The following ADA2 variants were observed in gnomAD, a reference collection of about 807,000 sequenced individuals.
The protein encoded by ADA2 is adenosine deaminase 2.
In ADA2, 29 loss-of-function variants were observed where a neutral mutation model predicts 44.2. That is an observed-to-expected ratio of 0.66 (90% CI 0.49 to 0.89). The LOEUF is 0.89. Ranked by LOEUF, ADA2 falls within the 40% of genes least tolerant of loss-of-function variation. The pLI, the probability that ADA2 is intolerant of heterozygous loss-of-function variation, is 0.00. For missense variants in ADA2, 637 were observed against 644.8 expected (o/e 0.99, Z 0.13); for synonymous variants, 215 against 234.9 (o/e 0.92, Z 0.77).
chr22:17,205,089 C>G (rs2062339196), intron 3 of ADA2, among the ~76,000 whole-genome samples: 1 of 152,026 alleles, frequency 6.6e-6, no homozygotes. Flanking sequence ...ATGATCTCAG[C>G]TCTCTGCAAC....
rs1303496687 is a variant in ADA2, at chr22:17,192,743, C to T, written c.754-933G>A. On this transcript the variant is annotated intron_variant, in intron 4 of 9. Coordinates refer to ENST00000399837, the MANE Select transcript of ADA2 (RefSeq NM_001282225.2). ...ACTGGGGAGGCTGAGGCAGGAGAAT[C>T]GCTTGAACCCGGGAGGCAGAGGTTG... is the stretch of plus-strand genomic sequence containing the variant. Among the ~76,000 whole-genome samples, 4 of 151,800 alleles carry T rather than the reference C, an allele frequency of 2.6e-5. 1 individual carries two copies. The highest frequency in any genetic ancestry group is 1.3e-4 in the Admixed American group (2 of 15,234).
chr22:17,221,443 G>T (rs1348916180), upstream of ADA2, among the ~76,000 whole-genome samples: 1 of 145,468 alleles, frequency 6.9e-6, no homozygotes, highest in Non-Finnish European at 1.5e-5. Flanking sequence ...CCCCAGCCCC[G>T]ACCCCCCCGA....
chr22:17,217,123 A>C (rs540418170), intron 1 of ADA2, among the ~76,000 whole-genome samples: 2 of 152,270 alleles, frequency 1.3e-5, no homozygotes, highest in South Asian at 4.1e-4. Context: ...AGCAATATTA[A>C]AAATGAAGTT....
intron 3 of ADA2, among the ~76,000 whole-genome samples, chr22:17,206,822 A>T (rs1016122080): frequency 1.1e-4 from 16 of 152,090 alleles, no homozygotes; most frequent in Non-Finnish European, 1.9e-4. Context: ...ACACCTGGCT[A>T]ATTTTTTGTA....
At chr22:17,183,550 T>G (rs1457017661) in intron 7 of ADA2, among the ~76,000 whole-genome samples, 1 of 136,036 alleles carries the variant, frequency 7.4e-6, no homozygotes, top group Non-Finnish European at 1.5e-5. Flanking sequence ...AACCTCCGCC[T>G]CCCGGGTTCA....
chr22:17,188,897 C>CG (rs2062078396), intron 6 of ADA2, among the ~76,000 whole-genome samples: 1 of 102,874 alleles, frequency 9.7e-6, no homozygotes, highest in East Asian at 2.7e-4. Flanking sequence ...TTTGTAAAGA[C>CG]GGGGTCTCAC....
At chr22:17,199,874 G>C (rs1173475545) in intron 4 of ADA2, 23 of 693,218 alleles carry the variant, frequency 3.3e-5, no homozygotes, top group Admixed American at 1.0e-4. Flanking sequence ...GAGCTCAGGA[G>C]TTCCAGACCA....
intron 7 of ADA2, among the ~76,000 whole-genome samples, chr22:17,187,135 C>T (rs2062044653): frequency 6.7e-6 from 1 of 149,970 alleles, no homozygotes; most frequent in Admixed American, 6.7e-5. Flanking sequence ...CCACTGCACT[C>T]CAGCCTGGGC....
At chr22:17,210,208 G>A (rs1288217199) in intron 1 of ADA2, among the ~76,000 whole-genome samples, 3 of 128,216 alleles carry the variant, frequency 2.3e-5, no homozygotes, top group Non-Finnish European at 3.3e-5. Flanking sequence ...TTTTTTTTTT[G>A]AGATGGAGTT....
chr22:17,218,554 GC>G (rs35794323), intron 1 of ADA2, among the ~76,000 whole-genome samples: 1 of 151,928 alleles, frequency 6.6e-6, no homozygotes, highest in Non-Finnish European at 1.5e-5. Context: ...TCCATCAACA[GC>G]CCCGCCCCTT....
chr22:17,190,118 G>T, intron 5 of ADA2, 86 bp from the exon 6 acceptor site: 2 of 1,103,748 alleles, frequency 1.8e-6, no homozygotes, highest in Non-Finnish European at 2.7e-6. Context: ...GCAGGGCTGG[G>T]CCAGCCCCAA....
In ADA2 at chr22:17,182,744, T is replaced by G. The variant is rs780583418; in HGVS notation, c.1099A>C (p.Ile367Leu). 1.1e-5 allele frequency: 18 copies of G among 1,613,602 alleles called. No homozygotes were observed. In the Admixed American group the frequency reaches 2.8e-4, roughly 25 times the overall value. Reference sequence around the variant, plus strand: ...AGAGCATCCAGAATGTTCCTGTCTATGGAAGTACCCTGCCAGTCTGAACAC... The same window carrying G: ...AGAGCATCCAGAATGTTCCTGTCTAGGGAAGTACCCTGCCAGTCTGAACAC... ...AGETDWQGTS[I>L]DRNILDALML... is the part of the protein sequence containing the mutation. Residue 367 changes from isoleucine to leucine, a missense_variant, in exon 8 of 10, where the codon ATA (isoleucine) becomes CTA (leucine). Coordinates refer to ENST00000399837, the MANE Select transcript of ADA2 (RefSeq NM_001282225.2).
intron 4 of ADA2, among the ~76,000 whole-genome samples, chr22:17,195,143 T>C (rs549882191): frequency 6.6e-6 from 1 of 152,300 alleles, no homozygotes; most frequent in South Asian, 2.1e-4. Context: ...TACCAGTTGT[T>C]AAAATGGAAT....
chr22:17,203,421 G>T (rs1012144194), intron 4 of ADA2, 142 bp downstream of exon 4: 1 of 673,298 alleles, frequency 1.5e-6, no homozygotes, highest in Non-Finnish European at 2.6e-6. Flanking sequence ...CCTTGCTCAT[G>T]TTGGCCCCTG....
At chr22:17,214,131 C>A (rs1238039701) in intron 1 of ADA2, 8 of 725,698 alleles carry the variant, frequency 1.1e-5, no homozygotes, top group Non-Finnish European at 1.9e-5. Flanking sequence ...CGGAGCATTA[C>A]ATTCCCAGAG....
chr22:17,215,781 C>G (rs2062465008), intron 1 of ADA2, among the ~76,000 whole-genome samples: 1 of 151,912 alleles, frequency 6.6e-6, no homozygotes, highest in Non-Finnish European at 1.5e-5. Flanking sequence ...AAGATAGACA[C>G]CAGAGACTAT....
rs2062061306 is a variant in ADA2, at chr22:17,188,224, C to T, written c.1081+115G>A. The T allele has an allele frequency of 6.1e-6, 4 of 658,330 alleles. No homozygotes were observed. The South Asian group carries it at 7.4e-5, about 12-fold the overall frequency. 40.8% of individuals were successfully genotyped at this position (658,330 alleles called of 1,614,324 possible). A position where few individuals can be genotyped will look rare whatever the true frequency, so the allele number is the denominator to read the frequency against. On this transcript the variant is annotated intron_variant, in intron 7 of 9. Transcript: ENST00000399837. ...GTTGTCAGGATTAAGTGAGATAGAG[C>T]ACAGGAAAGGGCTCTGGAAACGCCT...
chr22:17,185,347 C>T (rs541237231), intron 7 of ADA2, among the ~76,000 whole-genome samples: 4 of 151,734 alleles, frequency 2.6e-5, no homozygotes, highest in African/African-American at 9.7e-5. Flanking sequence ...ACCTGGGAGG[C>T]GGAGCTTGCA....
intron 1 of ADA2, among the ~76,000 whole-genome samples, chr22:17,217,763 G>C (rs1367358959): frequency 1.3e-5 from 2 of 152,094 alleles, no homozygotes; most frequent in Non-Finnish European, 2.9e-5. Context: ...AGCCTAGATT[G>C]CACCACTGCA....
Sources: allele counts gnomAD v4.1 joint callset (sites outside exome capture counted in the v4.1 genomes callset), GRCh38; gene constraint gnomAD v4.1.1; transcripts MANE v1.5; gene names NCBI Gene and HGNC (gene_info 2026-07-23, HGNC 2026-07-21).